MARCHF10: variants seen among roughly 807,000 people sequenced by gnomAD.
MARCHF10 encodes the protein probable E3 ubiquitin-protein ligase MARCHF10.
In MARCHF10, 64 loss-of-function variants were observed where a neutral mutation model predicts 76.2. The ratio of observed to expected loss-of-function variants is 0.84; its 90% CI spans 0.69 to 1.03. The LOEUF is 1.03. MARCHF10 is among the 50% of genes least tolerant of loss of function. The probability of loss-of-function intolerance (pLI) is 0.00; values close to 1 mark genes in which losing one functional copy is unlikely to be tolerated. For synonymous variants in MARCHF10, 340 were observed against 357.5 expected (o/e 0.95, Z 0.55); for missense variants, 875 against 958.0 (o/e 0.91, Z 1.14).
At chr17:62,793,143 C>T (rs1175977696) in intron 2 of MARCHF10, among the ~76,000 whole-genome samples, 2 of 145,762 alleles carry the variant, frequency 1.4e-5, no homozygotes. Context: ...CCATCACCAC[C>T]ATCACCACCA....
chr17:62,799,306 T>C (rs1480695372), intron 2 of MARCHF10, among the ~76,000 whole-genome samples: 1 of 152,198 alleles, frequency 6.6e-6, no homozygotes, highest in Admixed American at 6.5e-5. Context: ...CCTGAATTTC[T>C]ATCATAGTTT....
intron 6 of MARCHF10, among the ~76,000 whole-genome samples, chr17:62,734,836 C>A (rs910848309): frequency 1.3e-5 from 2 of 152,158 alleles, no homozygotes; most frequent in African/African-American, 4.8e-5. Context: ...GAAGTGAATG[C>A]ATTTTCAAAG....
chr17:62,799,635 A>T (rs1264047945), intron 2 of MARCHF10, among the ~76,000 whole-genome samples: 1 of 152,084 alleles, frequency 6.6e-6, no homozygotes, highest in Non-Finnish European at 1.5e-5. Context: ...AATCCCAGCT[A>T]CTTGGGACGC....
intron 8 of MARCHF10, among the ~76,000 whole-genome samples, chr17:62,720,871 T>TTTTC: frequency 6.9e-6 from 1 of 144,966 alleles, no homozygotes; most frequent in African/African-American, 2.6e-5. Flanking sequence ...TTTTTTTTTT[T>TTTTC]TTTTTTTTTT....
At chr17:62,727,998 T>C (rs1342178411) in intron 6 of MARCHF10, among the ~76,000 whole-genome samples, 1 of 152,222 alleles carries the variant, frequency 6.6e-6, no homozygotes, top group Non-Finnish European at 1.5e-5. Flanking sequence ...GGGAACATTC[T>C]GTCATTGTAT....
chr17:62,798,854 G>C (rs1385507996), intron 2 of MARCHF10, among the ~76,000 whole-genome samples: 1 of 152,224 alleles, frequency 6.6e-6, no homozygotes, highest in Non-Finnish European at 1.5e-5. Context: ...TGGATGGCAG[G>C]GGCTGGAGAG....
chr17:62,788,689 A>G (rs1033304060), intron 2 of MARCHF10, 90 bp from the exon 3 acceptor site: 2 of 1,499,410 alleles, frequency 1.3e-6, no homozygotes, highest in Admixed American at 1.7e-5. Context: ...GGAGCATGAA[A>G]TAAATGATAT....
At chr17:62,788,834 C>T (rs370686529) in intron 2 of MARCHF10, among the ~76,000 whole-genome samples, 1 of 151,626 alleles carries the variant, frequency 6.6e-6, no homozygotes, top group Admixed American at 6.6e-5. Context: ...GAGGCCGAGG[C>T]GGGTGGATCA....
intron 4 of MARCHF10, among the ~76,000 whole-genome samples, chr17:62,753,093 C>G (rs1323201957): frequency 6.6e-6 from 1 of 152,002 alleles, no homozygotes; most frequent in Non-Finnish European, 1.5e-5. Flanking sequence ...GAAACCAGAG[C>G]TTCTCTCTCT....
chr17:62,751,666 G>C (rs991513809), intron 4 of MARCHF10, among the ~76,000 whole-genome samples: 1 of 152,168 alleles, frequency 6.6e-6, no homozygotes, highest in Non-Finnish European at 1.5e-5. Flanking sequence ...AAGTTTGGGA[G>C]ATGCTGCAGC....
intron 8 of MARCHF10, among the ~76,000 whole-genome samples, chr17:62,715,839 C>T (rs1007089873): frequency 1.1e-4 from 16 of 152,190 alleles, no homozygotes; most frequent in Non-Finnish European, 2.2e-4. Context: ...CCTGTTAGCA[C>T]CTGTGAGCAG....
intron 3 of MARCHF10, among the ~76,000 whole-genome samples, chr17:62,765,496 A>G (rs1380432653): frequency 2.6e-5 from 4 of 151,916 alleles, no homozygotes; most frequent in African/African-American, 9.7e-5. Flanking sequence ...TTTTCAGTCC[A>G]GCAAGTTGAA....
chr17:62,802,834 C>T (rs1227159333), intron 1 of MARCHF10, among the ~76,000 whole-genome samples: 1 of 152,134 alleles, frequency 6.6e-6, no homozygotes, highest in Non-Finnish European at 1.5e-5. Context: ...CCCGGAAGGG[C>T]TGCAGGGGAG....
chr17:62,792,804 T>A (rs866904121), intron 2 of MARCHF10, among the ~76,000 whole-genome samples: 242 of 38,088 alleles, frequency 6.4e-3, no homozygotes, highest in African/African-American at 0.022. Flanking sequence ...CACCACCACC[T>A]CCATCACCAC....
chr17:62,759,689 T>C, intron 4 of MARCHF10, 146 bp downstream of exon 4: 1 of 721,326 alleles, frequency 1.4e-6, no homozygotes, highest in Non-Finnish European at 2.3e-6. Flanking sequence ...CAGGCTGGTC[T>C]TGGACTCCTG....
At chr17:62,782,378 C>T (rs191452592) in intron 3 of MARCHF10, among the ~76,000 whole-genome samples, 11 of 129,522 alleles carry the variant, frequency 8.5e-5, no homozygotes, top group Admixed American at 5.4e-4. Context: ...GATGGAGTCT[C>T]GCTCTGTCGC....
rs1396853305 is a variant in MARCHF10 at position 62,792,862 on chromosome 17, T to C, written c.91-4263A>G. 8.4e-5 allele frequency among the ~76,000 whole-genome samples: 7 copies of C among 83,408 alleles called. No homozygotes were observed. In the East Asian group the frequency reaches 1.4e-3, roughly 16 times the overall value. 54.7% of individuals were successfully genotyped at this position (83,408 alleles called of 152,430 possible). ...ACCACCTCCACCACCACCACAACCA[T>C]CACCACCCATCACCATCCCCTCCAT... is the stretch of plus-strand genomic sequence containing the variant. On this transcript the variant is annotated intron_variant, in intron 2 of 10. Transcript: ENST00000311269.
At chr17:62,763,938 T>C (rs2092269007) in intron 3 of MARCHF10, among the ~76,000 whole-genome samples, 1 of 152,194 alleles carries the variant, frequency 6.6e-6, no homozygotes, top group South Asian at 2.1e-4. Context: ...GTTATCACTC[T>C]GCCCAGGGCT....
chr17:62,774,729 C>T (rs2148031066), intron 3 of MARCHF10, among the ~76,000 whole-genome samples: 1 of 152,274 alleles, frequency 6.6e-6, no homozygotes, highest in African/African-American at 2.4e-5. Flanking sequence ...ATTCCCAAAT[C>T]TTGTCAGTGA....
Sources: allele counts gnomAD v4.1 joint callset (sites outside exome capture counted in the v4.1 genomes callset), GRCh38; gene constraint gnomAD v4.1.1; transcripts MANE v1.5; gene names NCBI Gene and HGNC (gene_info 2026-07-23, HGNC 2026-07-21).